EPB41L1: variants seen among roughly 807,000 people sequenced by gnomAD.
EPB41L1 encodes band 4.1-like protein 1.
EPB41L1 carries 29 observed loss-of-function variants against 97.8 expected under a neutral mutation model. That is an observed-to-expected ratio of 0.30 (90% CI 0.22 to 0.40). EPB41L1 has a LOEUF of 0.40. EPB41L1 is among the 10% of genes least tolerant of loss of function. The pLI is 1.00. For synonymous variants in EPB41L1, 383 were observed against 459.2 expected (o/e 0.83, Z 2.12); for missense variants, 812 against 1,162.3 (o/e 0.70, Z 4.38).
At chr20:36,110,143 G>A (rs1036473330) in intron 1 of EPB41L1, among the ~76,000 whole-genome samples, 4 of 152,004 alleles carry the variant, frequency 2.6e-5, no homozygotes, top group African/African-American at 9.7e-5. Flanking sequence ...GTTTCTCCAT[G>A]TTGGTCAGGC....
chr20:36,101,511 G>T (rs1325786588), intron 1 of EPB41L1, among the ~76,000 whole-genome samples: 2 of 152,120 alleles, frequency 1.3e-5, no homozygotes, highest in East Asian at 3.9e-4. Flanking sequence ...CCTTGGTGAA[G>T]GAGTGGTGGC....
chr20:36,147,501 C>T (rs2059886151), intron 2 of EPB41L1, among the ~76,000 whole-genome samples: 1 of 152,202 alleles, frequency 6.6e-6, no homozygotes, highest in Non-Finnish European at 1.5e-5. Context: ...GGCCCCTGCA[C>T]CTACTAGCAG....
chr20:36,200,791 C>A (rs2062452804), intron 14 of EPB41L1: 3 of 425,356 alleles, frequency 7.1e-6, no homozygotes. Flanking sequence ...CCTACTTTTT[C>A]TCTTTCCCTC....
chr20:36,194,419 C>A, intron 12 of EPB41L1, 59 bp downstream of exon 12: 1 of 1,552,682 alleles, frequency 6.4e-7, no homozygotes, highest in South Asian at 1.2e-5. Flanking sequence ...GACCTGAGGT[C>A]TAGCCTCGGC....
chr20:36,214,489 C>A, intron 17 of EPB41L1, 49 bp downstream of exon 17: 1 of 1,471,926 alleles, frequency 6.8e-7, no homozygotes, highest in East Asian at 2.3e-5. Flanking sequence ...CCCTGCCCCA[C>A]CAAACAGCCA....
intron 2 of EPB41L1, chr20:36,122,859 T>G (rs1400839440): frequency 6.6e-6 from 1 of 152,124 alleles, no homozygotes; most frequent in Admixed American, 6.5e-5. Flanking sequence ...TGATTCTAGT[T>G]GGGGTTCTAC....
At chr20:36,104,851 G>A (rs979031650) in intron 1 of EPB41L1, among the ~76,000 whole-genome samples, 8 of 152,188 alleles carry the variant, frequency 5.3e-5, no homozygotes, top group African/African-American at 1.9e-4. Flanking sequence ...CGAGTGAACT[G>A]GCCTCGCGCG....
intron 2 of EPB41L1, among the ~76,000 whole-genome samples, chr20:36,174,268 C>T (rs1294993340): frequency 7.0e-6 from 1 of 143,632 alleles, no homozygotes; most frequent in Non-Finnish European, 1.5e-5. Flanking sequence ...TTTTAACTTT[C>T]TTTTTTTTTT....
At chr20:36,214,859 C>CCTTG (rs1240246949) in intron 17 of EPB41L1, among the ~76,000 whole-genome samples, 1 of 151,864 alleles carries the variant, frequency 6.6e-6, no homozygotes, top group Non-Finnish European at 1.5e-5. Flanking sequence ...CACTTCCTTG[C>CCTTG]CTTGGTCAGT....
At chr20:36,163,713 G>A (rs1469558749) in intron 1 of EPB41L1, among the ~76,000 whole-genome samples, 1 of 152,160 alleles carries the variant, frequency 6.6e-6, no homozygotes, top group African/African-American at 2.4e-5. Flanking sequence ...AGGGAGTGGT[G>A]TTACCTGAGT....
chr20:36,214,954 C>T (rs2063354924), intron 17 of EPB41L1, among the ~76,000 whole-genome samples: 1 of 151,726 alleles, frequency 6.6e-6, no homozygotes, highest in Admixed American at 6.6e-5. Context: ...TACTTATTTG[C>T]TGTCTGACCC....
At chr20:36,104,414 G>C (rs1265726914) in intron 1 of EPB41L1, among the ~76,000 whole-genome samples, 1 of 152,252 alleles carries the variant, frequency 6.6e-6, no homozygotes, top group Admixed American at 6.5e-5. Context: ...CGGCACCCCG[G>C]ATGGAGCAGG....
At chr20:36,140,556 C>G (rs899855449) in intron 2 of EPB41L1, among the ~76,000 whole-genome samples, 4 of 152,110 alleles carry the variant, frequency 2.6e-5, no homozygotes, top group African/African-American at 9.7e-5. Flanking sequence ...TGTTTTGTTG[C>G]TAATACTTTT....
chr20:36,094,762 C>T (rs1362470981), intron 1 of EPB41L1, among the ~76,000 whole-genome samples: 3 of 152,042 alleles, frequency 2.0e-5, no homozygotes, highest in South Asian at 2.1e-4. Context: ...CCCAGAATCC[C>T]GGGACATGGG....
chr20:36,202,171 G>C (rs113286623), intron 14 of EPB41L1, among the ~76,000 whole-genome samples: 502 of 152,324 alleles, frequency 3.3e-3, no homozygotes, highest in African/African-American at 0.011. Flanking sequence ...CATTTGGGGA[G>C]CAGAGCCCAC....
chr20:36,215,671 A>G (rs745340898), intron 17 of EPB41L1, among the ~76,000 whole-genome samples: 3 of 152,160 alleles, frequency 2.0e-5, no homozygotes, highest in Non-Finnish European at 2.9e-5. Flanking sequence ...ATCCGTTCAT[A>G]TGGTGAGCAG....
At chr20:36,223,249 G>T (rs182547184) in intron 21 of EPB41L1, among the ~76,000 whole-genome samples, 2 of 151,984 alleles carry the variant, frequency 1.3e-5, no homozygotes, top group Non-Finnish European at 2.9e-5. Context: ...GGCCAGGCTG[G>T]TATCAAACTC....
At chr20:36,091,555 G>A (rs2057667264) in exon 1 of EPB41L1, 1 of 152,224 alleles carries the variant, frequency 6.6e-6, no homozygotes, top group African/African-American at 2.4e-5. Flanking sequence ...GGGAGACCTA[G>A]GATAGGCTCC....
At chr20:36,178,782 C>A in intron 5 of EPB41L1, 110 bp downstream of exon 5, 2 of 1,195,456 alleles carry the variant, frequency 1.7e-6, no homozygotes, top group Non-Finnish European at 2.5e-6. Flanking sequence ...TCAGGCCAGG[C>A]GTTGTGGCTC....
Sources: gnomAD v4.1 joint callset for allele counts (sites outside exome capture counted in the v4.1 genomes callset) on GRCh38, gnomAD v4.1.1 for gene constraint, MANE v1.5 for transcripts, NCBI Gene and HGNC (gene_info 2026-07-23, HGNC 2026-07-21) for gene names.